Variants in AFDN observed in about 807,000 individuals in gnomAD.
AFDN encodes the protein afadin.
AFDN carries 68 observed loss-of-function variants against 216.6 expected under a neutral mutation model. The observed-to-expected ratio is 0.31, with a 90% CI of 0.26 to 0.38. The LOEUF (loss-of-function observed/expected upper bound fraction) is 0.38, where lower values mean the gene tolerates loss of function less well. Ranked by LOEUF, AFDN falls within the 10% of genes least tolerant of loss-of-function variation. The pLI is 1.00. For synonymous variants in AFDN, 868 were observed against 853.7 expected, an observed-to-expected ratio of 1.02 and a Z score of -0.29; for missense variants, 2,136 against 2,342.0, an observed-to-expected ratio of 0.91 and a Z score of 1.82.
intron 30 of AFDN, among the ~76,000 whole-genome samples, chr6:167,961,761 A>G (rs1797059859): frequency 6.6e-6 from 1 of 152,206 alleles, no homozygotes; most frequent in African/African-American, 2.4e-5. Context: ...GAGCCGAGAT[A>G]GGGCTCCTTC....
intron 32 of AFDN, 31 bp downstream of exon 32, chr6:167,966,076 C>T (rs758396942): frequency 1.3e-6 from 2 of 1,538,820 alleles, no homozygotes; most frequent in South Asian, 2.4e-5. Flanking sequence ...ACAAGAAAGT[C>T]TCATGGGGAC....
rs2128393906 is a variant in AFDN at position 167,899,563 on chromosome 6, C to T, written c.1580+1096C>T. Reference sequence around the variant, plus strand: ...TCATTAGCTTTACATGGGCTCTTCCCTTCAGTAGCGAGTCATGATTTCATG... The same window carrying T: ...TCATTAGCTTTACATGGGCTCTTCCTTTCAGTAGCGAGTCATGATTTCATG... On this transcript the variant is annotated intron_variant, in intron 11 of 33. Coordinates refer to ENST00000683244, the MANE Select transcript of AFDN (RefSeq NM_001386888.1). 1.3e-5 allele frequency among the ~76,000 whole-genome samples: 2 copies of T among 152,286 alleles called. 1 individual carries two copies.
intron 23 of AFDN, among the ~76,000 whole-genome samples, chr6:167,935,045 A>G (rs929142): frequency 4.6e-5 from 7 of 152,052 alleles, no homozygotes; most frequent in African/African-American, 1.7e-4. Flanking sequence ...ATTTTTGATA[A>G]CTTTTTGTTC....
intron 23 of AFDN, among the ~76,000 whole-genome samples, chr6:167,936,364 G>A (rs1010425847): frequency 2.6e-5 from 4 of 152,278 alleles, no homozygotes; most frequent in African/African-American, 4.8e-5. Context: ...TTCTAGGCCT[G>A]GCTGTTCTTT....
chr6:167,926,219 C>T (rs1436606065), intron 23 of AFDN, among the ~76,000 whole-genome samples: 1 of 152,190 alleles, frequency 6.6e-6, no homozygotes, highest in Admixed American at 6.5e-5. Flanking sequence ...CTTTTTCTTC[C>T]TCAGCTGCTC....
In AFDN at chr6:167,898,286, G is replaced by A; in HGVS notation, c.1399G>A (p.Asp467Asn). The A allele has an allele frequency of 6.2e-7, 1 of 1,614,120 alleles. No individual in the cohort carries two copies. The highest frequency in any genetic ancestry group is 1.1e-5 in the South Asian group (1 of 91,072). The change falls in exon 11 of 34, where the codon GAC becomes AAC. Residue 467 changes from aspartate (D) to asparagine (N), a missense_variant. Physicochemically the swap from Asp to Asn is conservative, Grantham distance 23 (BLOSUM62 1). Around this residue, in one of 8 missense-constraint regions of AFDN, gnomAD observed 817 missense variants for 965.7 expected, o/e 0.85. Coordinates refer to ENST00000683244, the MANE Select transcript of AFDN (RefSeq NM_001386888.1). ...GGTCACTGTGACGCCCAGAAGTATG[G>A]ACGCAGAAACCTACGTGGAAGGCCA... ...GVVTVTPRSM[D>N]AETYVEGQRI...
At chr6:167,912,529 G>C (rs1790528701) in intron 15 of AFDN, among the ~76,000 whole-genome samples, 1 of 152,114 alleles carries the variant, frequency 6.6e-6, no homozygotes, top group Admixed American at 6.5e-5. Flanking sequence ...TTTTACCCAA[G>C]TTAGGAAATA....
intron 4 of AFDN, among the ~76,000 whole-genome samples, chr6:167,873,164 A>G (rs1012438923): frequency 2.6e-5 from 4 of 152,222 alleles, no homozygotes; most frequent in Admixed American, 6.5e-5. Flanking sequence ...TTAGAAAGTC[A>G]GAATATATAG....
intron 1 of AFDN, among the ~76,000 whole-genome samples, chr6:167,832,403 ACTGGGCTAAAGCAGG>A (rs1253405769): frequency 5.3e-5 from 8 of 152,218 alleles, no homozygotes; most frequent in Non-Finnish European, 1.2e-4. Context: ...GTTGTGTGTA[ACTGGGCTAAAGCAGG>A]CTGAGAGGTG....
intron 1 of AFDN, among the ~76,000 whole-genome samples, chr6:167,863,326 C>T (rs1783800615): frequency 6.6e-6 from 1 of 152,182 alleles, no homozygotes; most frequent in Non-Finnish European, 1.5e-5. Flanking sequence ...CCCATTTCTC[C>T]TATTTTTCTT....
chr6:167,933,603 CACT>C (rs1793606228), intron 23 of AFDN, among the ~76,000 whole-genome samples: 1 of 152,198 alleles, frequency 6.6e-6, no homozygotes, highest in Non-Finnish European at 1.5e-5. Context: ...AACATCTTTC[CACT>C]AAGTTGTATG....
At chr6:167,948,072 T>C in intron 28 of AFDN, 128 bp downstream of exon 28, 2 of 817,924 alleles carry the variant, frequency 2.4e-6, no homozygotes, top group South Asian at 3.8e-5. Flanking sequence ...AAATTTGCAG[T>C]GTTTTATCTT....
intron 23 of AFDN, among the ~76,000 whole-genome samples, chr6:167,942,196 GTGGTT>G (rs930692228): frequency 2.0e-5 from 3 of 152,218 alleles, no homozygotes; most frequent in African/African-American, 7.2e-5. Context: ...ACAAATGCGA[GTGGTT>G]TCCAAGTGAA....
intron 3 of AFDN, among the ~76,000 whole-genome samples, chr6:167,871,625 C>T (rs759446728): frequency 1.4e-4 from 22 of 151,990 alleles, no homozygotes; most frequent in Non-Finnish European, 3.1e-4. Context: ...GGCCATTGTT[C>T]GAGGTTAAAA....
At chr6:167,913,989 A>G (rs1332613105) in intron 16 of AFDN, 179 bp from the exon 17 acceptor site, 2 of 563,658 alleles carry the variant, frequency 3.5e-6, no homozygotes, top group Non-Finnish European at 6.1e-6. Flanking sequence ...GTGGTTATTT[A>G]CTTCCCATTG....
intron 30 of AFDN, among the ~76,000 whole-genome samples, chr6:167,953,405 A>G (rs1217607108): frequency 6.8e-6 from 1 of 147,924 alleles, no homozygotes; most frequent in Admixed American, 6.8e-5. Flanking sequence ...TCTCACACAT[A>G]CTTCTTAATA....
intron 2 of AFDN, among the ~76,000 whole-genome samples, chr6:167,866,890 A>G (rs1457707511): frequency 6.6e-6 from 1 of 152,234 alleles, no homozygotes; most frequent in African/African-American, 2.4e-5. Context: ...GCACGTTTGC[A>G]TACCGCAGCC....
chr6:167,862,863 C>CA (rs757574836), intron 1 of AFDN, among the ~76,000 whole-genome samples: 18 of 152,172 alleles, frequency 1.2e-4, no homozygotes, highest in Non-Finnish European at 2.2e-4. Context: ...TCAGGTCTCG[C>CA]ACCCAAAACT....
At chr6:167,910,626 G>A (rs576092490) in intron 13 of AFDN, among the ~76,000 whole-genome samples, 5 of 152,332 alleles carry the variant, frequency 3.3e-5, no homozygotes, top group African/African-American at 9.6e-5. Flanking sequence ...GAGACTTGCC[G>A]TGGTCAGCTT....
Sources: allele counts gnomAD v4.1 joint callset (sites outside exome capture counted in the v4.1 genomes callset), GRCh38; gene constraint gnomAD v4.1.1; regional missense constraint gnomAD v4.1.1; transcripts MANE v1.5; gene names NCBI Gene and HGNC (gene_info 2026-07-23, HGNC 2026-07-21).